The following CHODL variants were observed in gnomAD, a reference collection of about 807,000 sequenced individuals.
The protein encoded by CHODL is transmembrane protein MT75.
Under a neutral mutation model 34.5 loss-of-function variants are expected in CHODL, and 29 were observed. The ratio of observed to expected loss-of-function variants is 0.84; its 90% confidence interval spans 0.63 to 1.15. The LOEUF (loss-of-function observed/expected upper bound fraction) is 1.15, where lower values mean the gene tolerates loss of function less well. Among genes scored for constraint, CHODL ranks in the 50% most tolerant of loss-of-function variants. The probability of loss-of-function intolerance (pLI) is 0.00; values close to 1 mark genes in which losing one functional copy is unlikely to be tolerated. For missense variants in CHODL, 332 were observed against 332.5 expected (o/e 1.00, Z 0.01); for synonymous variants, 125 against 116.1 (o/e 1.08, Z -0.49).
At chr21:18,160,583 A>G (rs963548541) in intron 2 of CHODL, among the ~76,000 whole-genome samples, 21 of 152,140 alleles carry the variant, frequency 1.4e-4, no homozygotes, top group African/African-American at 5.1e-4. Flanking sequence ...AAGAACATTC[A>G]GTGTTTGGTT....
intron 2 of CHODL, among the ~76,000 whole-genome samples, chr21:18,167,209 C>CTGTG (rs769948179): frequency 8.9e-4 from 115 of 129,142 alleles, no homozygotes; most frequent in Middle Eastern, 4.3e-3. Context: ...ATTTCTCTCT[C>CTGTG]TCTGTGTGTG....
chr21:17,943,903 C>T (rs1291394388), intron 1 of CHODL, among the ~76,000 whole-genome samples: 1 of 152,124 alleles, frequency 6.6e-6, no homozygotes, highest in Admixed American at 6.5e-5. Flanking sequence ...GCATGGCTTA[C>T]CTGTCCTTGG....
At chr21:18,254,893 G>A (rs372890223) in intron 1 of CHODL, among the ~76,000 whole-genome samples, 1 of 151,534 alleles carries the variant, frequency 6.6e-6, no homozygotes, top group Non-Finnish European at 1.5e-5. Flanking sequence ...AACTCTTTTT[G>A]CCTATGTGTT....
At chr21:18,174,077 T>G (rs1601104407) in intron 2 of CHODL, among the ~76,000 whole-genome samples, 1 of 73,424 alleles carries the variant, frequency 1.4e-5, no homozygotes, top group East Asian at 2.7e-4. Flanking sequence ...GGCAGGGAGG[T>G]AGAAGGGGAA....
chr21:18,071,105 C>G (rs1052916961), intron 2 of CHODL, among the ~76,000 whole-genome samples: 1 of 151,158 alleles, frequency 6.6e-6, no homozygotes, highest in African/African-American at 2.4e-5. Context: ...AGTCCAGACC[C>G]TCAAAATCCT....
At chr21:18,088,848 CAA>C (rs2065038666) in intron 2 of CHODL, among the ~76,000 whole-genome samples, 1 of 152,198 alleles carries the variant, frequency 6.6e-6, no homozygotes, top group African/African-American at 2.4e-5. Context: ...ATGGATTTGT[CAA>C]AGTGACTAGA....
At chr21:17,937,081 CA>C (rs71189570) in intron 1 of CHODL, among the ~76,000 whole-genome samples, 8,359 of 94,652 alleles carry the variant, frequency 0.088, 523 homozygotes, top group African/African-American at 0.25. Context: ...GACTCCATCT[CA>C]AAAAAAAAAA....
At chr21:17,964,195 C>A (rs1298380629) in intron 1 of CHODL, among the ~76,000 whole-genome samples, 1 of 152,064 alleles carries the variant, frequency 6.6e-6, no homozygotes, top group East Asian at 1.9e-4. Flanking sequence ...GTATCAAATC[C>A]ATCTTATTTA....
chr21:18,034,650 C>T (rs1403366902), intron 2 of CHODL: 2 of 151,958 alleles, frequency 1.3e-5, no homozygotes, highest in Non-Finnish European at 2.9e-5. Context: ...AATGTGAGAA[C>T]AACAATTGTC....
intron 1 of CHODL, among the ~76,000 whole-genome samples, chr21:18,000,116 G>T (rs576291207): frequency 6.6e-6 from 1 of 152,224 alleles, no homozygotes; most frequent in South Asian, 2.1e-4. Context: ...GGCTTTCGCT[G>T]TCTGTTTTTC....
chr21:18,202,554 C>G (rs2073666550), intron 2 of CHODL, among the ~76,000 whole-genome samples: 1 of 152,172 alleles, frequency 6.6e-6, no homozygotes, highest in African/African-American at 2.4e-5. Context: ...AGAGCCCTCA[C>G]CAAAAATCAA....
intron 2 of CHODL, among the ~76,000 whole-genome samples, chr21:18,220,929 A>G (rs1376356172): frequency 2.0e-5 from 3 of 152,112 alleles, no homozygotes; most frequent in Non-Finnish European, 4.4e-5. Context: ...CTGGATGTCA[A>G]TATCTCTTGC....
At chr21:18,148,110 T>C (rs979342207) in intron 2 of CHODL, among the ~76,000 whole-genome samples, 4 of 152,304 alleles carry the variant, frequency 2.6e-5, no homozygotes, top group African/African-American at 9.6e-5. Flanking sequence ...AGGATGATAA[T>C]AGCAATGATT....
intron 2 of CHODL, among the ~76,000 whole-genome samples, chr21:18,073,885 G>A (rs989431930): frequency 4.6e-5 from 7 of 151,770 alleles, no homozygotes; most frequent in Admixed American, 1.3e-4. Context: ...TTATCTTGAT[G>A]TAATTTAATA....
At chr21:18,056,359 TAAA>T (rs2064579952) in intron 2 of CHODL, among the ~76,000 whole-genome samples, 1 of 150,256 alleles carries the variant, frequency 6.7e-6, no homozygotes, top group East Asian at 1.9e-4. Flanking sequence ...ATTTTTATCT[TAAA>T]AATAAAGAAT....
chr21:17,957,426 C>T (rs1300588678), intron 1 of CHODL, among the ~76,000 whole-genome samples: 4 of 152,122 alleles, frequency 2.6e-5, no homozygotes, highest in African/African-American at 9.7e-5. Flanking sequence ...CTTGCTCTTG[C>T]TTCCTTTGTA....
At chr21:17,994,455 A>AT (rs1236797812) in intron 1 of CHODL, among the ~76,000 whole-genome samples, 1 of 152,188 alleles carries the variant, frequency 6.6e-6, no homozygotes, top group Non-Finnish European at 1.5e-5. Context: ...TGGGTGGGTC[A>AT]TGTGAGAGGG....
At chr21:18,203,660 T>C (rs2146712499) in intron 2 of CHODL, among the ~76,000 whole-genome samples, 1 of 152,248 alleles carries the variant, frequency 6.6e-6, no homozygotes, top group African/African-American at 2.4e-5. Context: ...TCACACTTGG[T>C]AAGATTTTGT....
At chr21:18,226,819 G>T (rs907608302) in intron 2 of CHODL, among the ~76,000 whole-genome samples, 1 of 151,642 alleles carries the variant, frequency 6.6e-6, no homozygotes, top group African/African-American at 2.4e-5. Context: ...TTCTCCAGAA[G>T]AGAGAGAGAG....
Sources: allele counts gnomAD v4.1 joint callset (sites outside exome capture counted in the v4.1 genomes callset), GRCh38; gene constraint gnomAD v4.1.1; transcripts MANE v1.5; gene names NCBI Gene and HGNC (gene_info 2026-07-23, HGNC 2026-07-21).